ALMS1: variants seen among roughly 807,000 people sequenced by gnomAD.
The protein encoded by ALMS1 is centrosome-associated protein ALMS1.
ALMS1 carries 271 observed loss-of-function variants against 352.2 expected under a neutral mutation model. The observed-to-expected ratio is 0.77, with a 90% CI of 0.70 to 0.85. ALMS1 has a LOEUF of 0.85. Ranked by LOEUF, ALMS1 falls within the 40% of genes least tolerant of loss-of-function variation. The pLI, the probability that ALMS1 is intolerant of heterozygous loss-of-function variation, is 0.00. For synonymous variants in ALMS1, 1,865 were observed against 1,761.2 expected, an observed-to-expected ratio of 1.06 and a Z score of -1.48; for missense variants, 5,445 against 4,870.7, an observed-to-expected ratio of 1.12 and a Z score of -3.51.
At chr2:73,573,570 G>A (rs909246155) in intron 16 of ALMS1, 146 bp downstream of exon 16, 11 of 807,034 alleles carry the variant, frequency 1.4e-5, no homozygotes, top group Non-Finnish European at 1.9e-5. Context: ...GTGAGAAAGT[G>A]TAGTACAGTG....
chr2:73,451,903 T>A lies in ALMS1; in HGVS notation c.5376T>A (p.Ala1792=). The change falls in exon 8 of 23, where the codon GCT becomes GCA. Residue 1792 remains alanine (A), a synonymous_variant. Coordinates refer to ENST00000613296, the MANE Select transcript of ALMS1 (RefSeq NM_001378454.1). ...ALKVSNVPGP[A]DQKTGVSTVT... ...AAGTTTCAAATGTTCCTGGACCAGC[T>A]GACCAGAAGACTGGGGTATCAACAG... 1 of 1,614,004 alleles carries A rather than the reference T, an allele frequency of 6.2e-7. No individual in the cohort carries two copies.
intron 6 of ALMS1, among the ~76,000 whole-genome samples, chr2:73,429,030 CT>C (rs996392076): frequency 7.2e-5 from 11 of 152,146 alleles, no homozygotes; most frequent in Admixed American, 6.5e-5. Context: ...CTTTGTTAGC[CT>C]TGTGTCTTGA....
intron 7 of ALMS1, among the ~76,000 whole-genome samples, chr2:73,437,373 C>T (rs1318509863): frequency 2.6e-5 from 4 of 152,182 alleles, no homozygotes; most frequent in Non-Finnish European, 5.9e-5. Flanking sequence ...ACCCTCACTC[C>T]ACCTACAAGT....
At chr2:73,591,938 T>C (rs1263030392) in intron 16 of ALMS1, among the ~76,000 whole-genome samples, 1 of 152,234 alleles carries the variant, frequency 6.6e-6, no homozygotes, top group African/African-American at 2.4e-5. Flanking sequence ...TAGCTCTTGA[T>C]TCATTTTCTT....
At position 73,480,537 on chromosome 2, in the gene ALMS1, C is replaced by T. The variant is rs547973111; in HGVS notation, c.7675-9097C>T. Among the ~76,000 whole-genome samples, 29 of 152,080 alleles carry T rather than the reference C, an allele frequency of 1.9e-4. No homozygotes were observed. The South Asian group carries it at 2.3e-3, about 12-fold the overall frequency. ...TGTGAATAATGCCGCAATAAACATA[C>T]GTGTGCATGTGTCTTTATAGCAGCA... On this transcript the variant is annotated intron_variant, in intron 9 of 22. Transcript: ENST00000613296.
chr2:73,410,441 A>C (rs1378077121), intron 2 of ALMS1, among the ~76,000 whole-genome samples: 5 of 152,098 alleles, frequency 3.3e-5, no homozygotes, highest in African/African-American at 1.2e-4. Flanking sequence ...ACACACATAC[A>C]CACACCTCAC....
In ALMS1 at chr2:73,448,656, C is replaced by G; in HGVS notation, c.2129C>G (p.Thr710Arg). 2 of 1,613,924 alleles carry G rather than the reference C, an allele frequency of 1.2e-6. No individual in the cohort carries two copies. Among genetic ancestry groups the G allele is most frequent in the Non-Finnish European group, 1.7e-6 (2 of 1,179,934 alleles). ...GPADQKTGTATVLSTPHSHRE... is the reference protein window; with the variant it reads ...GPADQKTGTARVLSTPHSHRE... Reference sequence around the variant, plus strand: ...GCTGACCAGAAGACTGGGACAGCAACAGTACTCTCTACTCCCCACTCACAT... The same window carrying G: ...GCTGACCAGAAGACTGGGACAGCAAGAGTACTCTCTACTCCCCACTCACAT... Residue 710 changes from threonine to arginine, a missense_variant, in exon 8 of 23, where the codon ACA becomes AGA. Transcript: ENST00000613296.
intron 12 of ALMS1, among the ~76,000 whole-genome samples, chr2:73,545,721 T>C (rs1471258748): frequency 1.3e-5 from 2 of 152,214 alleles, no homozygotes; most frequent in Non-Finnish European, 2.9e-5. Flanking sequence ...TATGTTGATA[T>C]TGTCTCATGC....
chr2:73,529,052 T>TGAGCAG (rs1274478557), intron 11 of ALMS1, among the ~76,000 whole-genome samples: 12 of 146,538 alleles, frequency 8.2e-5, no homozygotes, highest in Non-Finnish European at 1.7e-4. Flanking sequence ...TTTTTTTTTT[T>TGAGCAG]TTTTTTTTTG....
At chr2:73,544,158 C>T (rs1216038441) in intron 12 of ALMS1, among the ~76,000 whole-genome samples, 11 of 152,124 alleles carry the variant, frequency 7.2e-5, no homozygotes. Flanking sequence ...AAATGTGGCA[C>T]ATATACACCA....
chr2:73,607,971 ATTC>A (rs1397445191), intron 21 of ALMS1, among the ~76,000 whole-genome samples: 2 of 151,880 alleles, frequency 1.3e-5, no homozygotes, highest in Non-Finnish European at 2.9e-5. Flanking sequence ...GCTCCTATCT[ATTC>A]TTAAGACCCA....
chr2:73,406,404 A>G (rs1467233631), intron 1 of ALMS1, among the ~76,000 whole-genome samples: 2 of 143,362 alleles, frequency 1.4e-5, no homozygotes, highest in Non-Finnish European at 3.0e-5. Context: ...TTTAAACAGC[A>G]TATAGTTGGG....
At position 73,453,564 on chromosome 2, in the gene ALMS1, G is replaced by A. The variant is rs765006341; in HGVS notation, c.7037G>A (p.Arg2346Lys). 4.3e-6 allele frequency: 7 copies of A among 1,613,876 alleles called. No individual in the cohort carries two copies. In the Admixed American group the frequency reaches 1.0e-4, roughly 23 times the overall value. ...IGTQTNLKCRRGIENWEFISS... is the reference protein window; with the variant it reads ...IGTQTNLKCRKGIENWEFISS... ...ACACAGACGAATTTGAAATGCCGGA[G>A]AGGCATTGAAAATTGGGAGTTTATT... The change falls in exon 8 of 23, where the codon AGA becomes AAA. Residue 2346 changes from arginine to lysine, a missense_variant. Coordinates refer to ENST00000613296, the MANE Select transcript of ALMS1 (RefSeq NM_001378454.1).
chr2:73,386,075 C>CTTA lies in ALMS1; in HGVS notation c.207_208insTTA (p.Asp69_Asp70insLeu). ...GGCCCCAGCATCTGGAAAGTATAGA[C>CTTA]GACGAGGAGGACGAGGAGGCCAAGG... On this transcript the variant is annotated inframe_insertion, in exon 1 of 23. Transcript: ENST00000613296. 6.3e-7 allele frequency: 1 copy of CTTA among 1,596,344 alleles called. No homozygotes were observed. The highest frequency in any genetic ancestry group is 8.5e-7 in the Non-Finnish European group (1 of 1,171,974).
intron 10 of ALMS1, among the ~76,000 whole-genome samples, chr2:73,503,257 C>T (rs151130127): frequency 0.016 from 2,458 of 151,884 alleles, 69 homozygotes; most frequent in African/African-American, 0.056. Context: ...CCTTCCCCGA[C>T]CCCACAACAG....
intron 10 of ALMS1, among the ~76,000 whole-genome samples, chr2:73,499,216 A>G (rs980900430): frequency 6.6e-6 from 1 of 151,930 alleles, no homozygotes; most frequent in Non-Finnish European, 1.5e-5. Context: ...TTTCCTATGG[A>G]ATTGTTTGAG....
chr2:73,386,355 T>C (rs1670532752), intron 1 of ALMS1, among the ~76,000 whole-genome samples, 163 bp downstream of exon 1: 1 of 152,140 alleles, frequency 6.6e-6, no homozygotes, highest in Admixed American at 6.5e-5. Flanking sequence ...GGCCGGCTGC[T>C]CCGCGTCTCC....
intron 13 of ALMS1, 95 bp from the exon 14 acceptor site, chr2:73,557,125 G>A (rs925579147): frequency 7.8e-5 from 121 of 1,551,244 alleles, no homozygotes; most frequent in Middle Eastern, 1.8e-4. Context: ...ATGTAAATGG[G>A]TTTGGGGTTT....
chr2:73,516,947 G>A (rs774514571), intron 10 of ALMS1, among the ~76,000 whole-genome samples: 3 of 151,926 alleles, frequency 2.0e-5, no homozygotes, highest in Non-Finnish European at 4.4e-5. Flanking sequence ...GCTGATGTGT[G>A]TTTGTCCCAG....
Sources: gnomAD v4.1 joint callset for allele counts (sites outside exome capture counted in the v4.1 genomes callset) on GRCh38, gnomAD v4.1.1 for gene constraint, MANE v1.5 for transcripts, NCBI Gene and HGNC (gene_info 2026-07-23, HGNC 2026-07-21) for gene names.